The following RALGAPA1 variants were observed in gnomAD, a reference collection of about 807,000 sequenced individuals.
The protein encoded by RALGAPA1 is Ral GTPase activating protein catalytic subunit alpha 1, also known as ral GTPase-activating protein subunit alpha-1.
Under a neutral mutation model 269.6 loss-of-function variants are expected in RALGAPA1, and 52 were observed. The observed-to-expected ratio is 0.19, with a 90% confidence interval of 0.15 to 0.24. The LOEUF (loss-of-function observed/expected upper bound fraction) is 0.24, where lower values mean the gene tolerates loss of function less well. Among genes scored for constraint, RALGAPA1 ranks in the 10% least tolerant of loss-of-function variants. The pLI, the probability that RALGAPA1 is intolerant of heterozygous loss-of-function variation, is 1.00. For missense variants in RALGAPA1, 1,917 were observed against 3,013.9 expected, an observed-to-expected ratio of 0.64 and a Z score of 8.52; for synonymous variants, 817 against 1,008.3, an observed-to-expected ratio of 0.81 and a Z score of 3.60.
intron 21 of RALGAPA1, among the ~76,000 whole-genome samples, chr14:35,679,902 T>C (rs1245815427): frequency 6.6e-6 from 1 of 152,182 alleles, no homozygotes; most frequent in Admixed American, 6.5e-5. Flanking sequence ...CTAGGCTCAA[T>C]TATGTTACAT....
At chr14:35,803,475 A>G (rs997893416) in intron 1 of RALGAPA1, among the ~76,000 whole-genome samples, 3 of 152,134 alleles carry the variant, frequency 2.0e-5, no homozygotes, top group African/African-American at 7.2e-5. Flanking sequence ...AAATTGATAT[A>G]TAGACAATAA....
chr14:35,690,570 T>C lies in RALGAPA1; in HGVS notation c.2408-567A>G, dbSNP rs990978258. Among the ~76,000 whole-genome samples, 4 of 152,332 alleles carry C rather than the reference T, an allele frequency of 2.6e-5. No homozygotes were observed. In the East Asian group the frequency reaches 7.7e-4, roughly 29 times the overall value. ...GTCAGGAAACTGTTCTCCCCAGGTG[T>C]TTTACTTTATTACGTATTAAAATCT... On this transcript the variant is annotated intron_variant, in intron 17 of 41. Coordinates refer to ENST00000680220, the MANE Select transcript of RALGAPA1 (RefSeq NM_001346249.2).
Position 35,689,292 on chromosome 14 carries a change from A to G in RALGAPA1, c.3119T>C (p.Leu1040Pro). 8.1e-7 allele frequency: 1 copy of G among 1,232,188 alleles called. No individual in the cohort carries two copies. The highest frequency in any genetic ancestry group is 1.0e-6 in the Non-Finnish European group (1 of 988,080). 76.3% of individuals were successfully genotyped at this position (1,232,188 alleles called of 1,614,324 possible). The change falls in exon 18 of 42, where the codon CTA becomes CCA. Residue 1040 changes from leucine to proline, a missense_variant. By Grantham distance (98) the Leu-to-Pro change is moderately conservative. Coordinates refer to ENST00000680220, the MANE Select transcript of RALGAPA1 (RefSeq NM_001346249.2). ...CTCTGATGGCTGTTTATCAGTGTTT[A>G]GTTGCTTAGATTTTTCAGAAGTTTG... ...RTQTSEKSKQ[L>P]NTDKQPSEPS...
intron 6 of RALGAPA1, among the ~76,000 whole-genome samples, chr14:35,757,284 G>C (rs1024491861): frequency 2.0e-5 from 3 of 151,818 alleles, no homozygotes; most frequent in Admixed American, 6.6e-5. Context: ...ACCATGCCCA[G>C]CTAATTTTTG....
intron 20 of RALGAPA1, 119 bp downstream of exon 20, chr14:35,684,810 T>C: frequency 9.9e-7 from 1 of 1,008,876 alleles, no homozygotes; most frequent in Non-Finnish European, 1.4e-6. Context: ...TTTTCTAACG[T>C]GGGAGCCACT....
rs543612481 is a variant in RALGAPA1, at chr14:35,702,970, T to A, written c.2267-2668A>T. Among the ~76,000 whole-genome samples, 341 of 152,158 alleles carry A rather than the reference T, an allele frequency of 2.2e-3. 1 individual carries two copies. The highest frequency in any genetic ancestry group is 3.4e-3 in the Non-Finnish European group (230 of 67,982). The stretch of plus-strand genomic sequence containing the variant: ...AGCCAGAATTTTTAAATATATTTTT[T>A]AAAAACCTGAATTGAGTTTTTGATT... On this transcript the variant is annotated intron_variant, in intron 16 of 41. Transcript: ENST00000680220.
intron 27 of RALGAPA1, among the ~76,000 whole-genome samples, chr14:35,663,276 T>C (rs905877703): frequency 1.3e-5 from 2 of 152,092 alleles, no homozygotes; most frequent in Non-Finnish European, 2.9e-5. Flanking sequence ...GTGGTATATA[T>C]ATATCTAAAG....
At chr14:35,692,584 T>A (rs1310479617) in intron 17 of RALGAPA1, among the ~76,000 whole-genome samples, 5 of 149,048 alleles carry the variant, frequency 3.4e-5, no homozygotes, top group Non-Finnish European at 4.5e-5. Flanking sequence ...AAAAAAAAAA[T>A]GTAACTGGTT....
chr14:35,725,598 A>C (rs918858118), intron 13 of RALGAPA1, among the ~76,000 whole-genome samples: 1 of 152,194 alleles, frequency 6.6e-6, no homozygotes, highest in African/African-American at 2.4e-5. Context: ...TATGTTGAGT[A>C]ACTACATATT....
At chr14:35,753,694 G>T (rs145596039) in intron 7 of RALGAPA1, among the ~76,000 whole-genome samples, 31 of 152,242 alleles carry the variant, frequency 2.0e-4, no homozygotes, top group African/African-American at 6.5e-4. Flanking sequence ...GGATGAAAGG[G>T]TTGAGGGTAA....
chr14:35,767,030 G>A, intron 4 of RALGAPA1: 1 of 355,900 alleles, frequency 2.8e-6, no homozygotes, highest in Non-Finnish European at 5.5e-6. Context: ...AAAGTTTCCT[G>A]TTATTCAACT....
intron 39 of RALGAPA1, among the ~76,000 whole-genome samples, chr14:35,565,212 G>A (rs527346902): frequency 1.1e-3 from 170 of 151,496 alleles, no homozygotes; most frequent in African/African-American, 4.0e-3. Flanking sequence ...TTGTAATAAG[G>A]ATAAAAAGAA....
chr14:35,675,731 A>G (rs899521638), intron 22 of RALGAPA1, among the ~76,000 whole-genome samples: 6 of 152,222 alleles, frequency 3.9e-5, no homozygotes, highest in African/African-American at 1.4e-4. Context: ...ATTCTACTCA[A>G]TGTATATAAT....
chr14:35,808,650 G>C, intron 1 of RALGAPA1, 80 bp downstream of exon 1: 4 of 1,477,280 alleles, frequency 2.7e-6, no homozygotes, highest in Non-Finnish European at 3.7e-6. Context: ...GCCAGGTCCC[G>C]AGAGAGAGTC....
chr14:35,667,130 G>A (rs2064005316), intron 26 of RALGAPA1, among the ~76,000 whole-genome samples: 1 of 152,102 alleles, frequency 6.6e-6, no homozygotes, highest in South Asian at 2.1e-4. Context: ...GGCCAGGCGC[G>A]GTGGCTCATG....
chr14:35,711,054 TTAA>T (rs2068285988), intron 16 of RALGAPA1, among the ~76,000 whole-genome samples: 1 of 152,232 alleles, frequency 6.6e-6, no homozygotes. Context: ...TTTCTTTTGA[TTAA>T]TGTTAGCATA....
At chr14:35,692,942 T>G (rs1278158885) in intron 17 of RALGAPA1, among the ~76,000 whole-genome samples, 1 of 151,990 alleles carries the variant, frequency 6.6e-6, no homozygotes, top group East Asian at 1.9e-4. Context: ...ATCTGACATA[T>G]CATTCATTTA....
intron 39 of RALGAPA1, among the ~76,000 whole-genome samples, chr14:35,566,961 C>T (rs10483456): frequency 0.087 from 12,993 of 150,086 alleles, 830 homozygotes; most frequent in East Asian, 0.31. Flanking sequence ...TACTATACTA[C>T]TAGCCTTTGC....
intron 41 of RALGAPA1, among the ~76,000 whole-genome samples, chr14:35,543,314 A>G (rs187423061): frequency 5.5e-4 from 84 of 152,384 alleles, no homozygotes; most frequent in African/African-American, 2.0e-3. Flanking sequence ...GCTATTAAAC[A>G]GAGAAAAATA....
Sources: gnomAD v4.1 joint callset for allele counts (sites outside exome capture counted in the v4.1 genomes callset) on GRCh38, gnomAD v4.1.1 for gene constraint, MANE v1.5 for transcripts, NCBI Gene and HGNC (gene_info 2026-07-23, HGNC 2026-07-21) for gene names.